Variants in NCKAP5 observed in about 807,000 individuals in gnomAD.
NCKAP5 encodes nck-associated protein 5.
A neutral mutation model predicts 167.0 loss-of-function variants in NCKAP5; 92 were observed. That is an observed-to-expected ratio of 0.55 (90% CI 0.47 to 0.66). The LOEUF (loss-of-function observed/expected upper bound fraction) is 0.66, where lower values mean the gene tolerates loss of function less well. Among genes scored for constraint, NCKAP5 ranks in the 30% least tolerant of loss-of-function variants. The pLI is 0.00. For synonymous variants in NCKAP5, 891 were observed against 877.4 expected, an observed-to-expected ratio of 1.02 and a Z score of -0.27; for missense variants, 2,378 against 2,315.0, an observed-to-expected ratio of 1.03 and a Z score of -0.56.
At chr2:133,619,935 T>C in the NCKAP5 span, among the ~76,000 whole-genome samples, 1 of 152,212 alleles carries the variant, frequency 6.6e-6, no homozygotes, top group African/African-American at 2.4e-5. Context: ...CTACAAGGGA[T>C]TGGGGTCCTA....
At chr2:132,854,313 T>C (rs1337633156) in intron 11 of NCKAP5, among the ~76,000 whole-genome samples, 1 of 152,166 alleles carries the variant, frequency 6.6e-6, no homozygotes, top group Non-Finnish European at 1.5e-5. Context: ...CTCAATTGCT[T>C]TGGGAATGAA....
chr2:132,684,259 T>G (rs753069103), intron 19 of NCKAP5, among the ~76,000 whole-genome samples: 1 of 152,244 alleles, frequency 6.6e-6, no homozygotes, highest in Non-Finnish European at 1.5e-5. Context: ...CTATGAGAAT[T>G]AAATATGGAT....
intron 4 of NCKAP5, among the ~76,000 whole-genome samples, chr2:133,246,576 A>G (rs1034581258): frequency 2.0e-5 from 3 of 152,224 alleles, no homozygotes; most frequent in African/African-American, 4.8e-5. Flanking sequence ...AGGAATACAT[A>G]CAATGGCTGC....
chr2:133,400,959 C>A (rs534294670), intron 3 of NCKAP5, among the ~76,000 whole-genome samples: 5 of 152,198 alleles, frequency 3.3e-5, no homozygotes, highest in South Asian at 2.1e-4. Flanking sequence ...TCACAATAAA[C>A]CCCTTTCTAA....
chr2:133,388,375 G>A (rs1687150024), intron 3 of NCKAP5, among the ~76,000 whole-genome samples: 1 of 152,210 alleles, frequency 6.6e-6, no homozygotes, highest in South Asian at 2.1e-4. Flanking sequence ...AACAGCAAAT[G>A]TTGCTGTCTG....
intron 1 of NCKAP5, 73 bp from the exon 2 acceptor site, chr2:133,559,190 T>C (rs772994134): frequency 1.3e-5 from 2 of 152,126 alleles, no homozygotes; most frequent in Non-Finnish European, 2.9e-5. Flanking sequence ...ATTAACCTCT[T>C]GGTACCTTGG....
chr2:133,458,845 A>T (rs954740180), intron 3 of NCKAP5, among the ~76,000 whole-genome samples: 1 of 152,164 alleles, frequency 6.6e-6, no homozygotes, highest in Non-Finnish European at 1.5e-5. Flanking sequence ...CAATGTTGTC[A>T]AATTGAGATG....
At chr2:133,488,243 T>A (rs1298004406) in intron 3 of NCKAP5, among the ~76,000 whole-genome samples, 1 of 152,190 alleles carries the variant, frequency 6.6e-6, no homozygotes, top group Admixed American at 6.5e-5. Context: ...TTTGATTTTC[T>A]CAGGTCCCTT....
chr2:133,272,214 G>C (rs1395913140), intron 4 of NCKAP5, among the ~76,000 whole-genome samples: 1 of 150,646 alleles, frequency 6.6e-6, no homozygotes, highest in Non-Finnish European at 1.5e-5. Context: ...AATGTTCAAA[G>C]TACCCAAACA....
At chr2:132,855,478 A>G (rs985883717) in intron 11 of NCKAP5, among the ~76,000 whole-genome samples, 2 of 152,198 alleles carry the variant, frequency 1.3e-5, no homozygotes, top group South Asian at 2.1e-4. Flanking sequence ...AGGCGCCTCC[A>G]TGGCTGGTCC....
Position 133,085,017 on chromosome 2 carries a change from T to G in NCKAP5, c.341+44961A>C, listed in dbSNP as rs558596727. On this transcript the variant is annotated intron_variant, in intron 6 of 19. Coordinates refer to ENST00000409261, the MANE Select transcript of NCKAP5 (RefSeq NM_207363.3). The stretch of plus-strand genomic sequence containing the variant: ...AGGTAGGTCTCCTGCATATTCTTCT[T>G]CTTTTATAACAATTATTTAAAAATA... 2.4e-4 allele frequency among the ~76,000 whole-genome samples: 36 copies of G among 152,300 alleles called. No individual in the cohort carries two copies. The Middle Eastern group carries it at 0.017, about 72-fold the overall frequency.
At chr2:132,910,648 T>G (rs1411044828) in intron 8 of NCKAP5, among the ~76,000 whole-genome samples, 2 of 152,336 alleles carry the variant, frequency 1.3e-5, no homozygotes, top group Middle Eastern at 3.4e-3. Flanking sequence ...ATGTACCACA[T>G]TTTCTTTATC....
At chr2:132,803,353 C>T (rs1198891149) in intron 11 of NCKAP5, among the ~76,000 whole-genome samples, 1 of 152,188 alleles carries the variant, frequency 6.6e-6, no homozygotes, top group Non-Finnish European at 1.5e-5. Context: ...GTTTAGCTGC[C>T]CTGAGTGCAT....
At chr2:133,085,157 A>G (rs894355636) in intron 6 of NCKAP5, among the ~76,000 whole-genome samples, 2 of 152,194 alleles carry the variant, frequency 1.3e-5, no homozygotes, top group Non-Finnish European at 2.9e-5. Flanking sequence ...GGAAAATAAC[A>G]TAACAGTATT....
chr2:133,270,912 A>ATTTTTT lies in NCKAP5; in HGVS notation c.143+32119_143+32124dup, dbSNP rs1255134862. On this transcript the variant is annotated intron_variant, in intron 4 of 19. Transcript: ENST00000409261. ...GTACTTTTGTTTTTTGTTGCTTCAA[A>ATTTTTT]TTTTTTTTTTTTTTTTTTCTTTTTT... is the stretch of plus-strand genomic sequence containing the variant. Among the ~76,000 whole-genome samples the ATTTTTT allele has an allele frequency of 2.1e-4, 27 of 128,966 alleles. 1 individual carries two copies. Among genetic ancestry groups the ATTTTTT allele is most frequent in the African/African-American group, 4.7e-4 (16 of 34,168 alleles). The allele number at this position is 128,966 out of a possible 152,430, so 84.6% of individuals were successfully genotyped here. A position where few individuals can be genotyped will look rare whatever the true frequency, so the allele number is the denominator to read the frequency against.
chr2:132,683,341 A>C (rs1440000833), intron 19 of NCKAP5, among the ~76,000 whole-genome samples: 1 of 152,214 alleles, frequency 6.6e-6, no homozygotes, highest in Non-Finnish European at 1.5e-5. Flanking sequence ...TTAGGTTAGC[A>C]TCAAGAAACC....
intron 3 of NCKAP5, among the ~76,000 whole-genome samples, chr2:133,486,091 C>T (rs755865810): frequency 8.5e-5 from 13 of 152,216 alleles, no homozygotes; most frequent in East Asian, 3.9e-4. Context: ...TATGTAAACA[C>T]GGATAGTGAC....
chr2:133,223,749 G>C (rs2086763091), intron 4 of NCKAP5, among the ~76,000 whole-genome samples: 1 of 152,132 alleles, frequency 6.6e-6, no homozygotes, highest in Non-Finnish European at 1.5e-5. Flanking sequence ...GGTAAGTTTA[G>C]AGCGTGTTCT....
At chr2:132,792,269 T>C (rs1275576401) in intron 12 of NCKAP5, among the ~76,000 whole-genome samples, 1 of 152,222 alleles carries the variant, frequency 6.6e-6, no homozygotes, top group African/African-American at 2.4e-5. Context: ...TGGCTCTACA[T>C]ATTATTGAAA....
Sources: allele counts gnomAD v4.1 joint callset (sites outside exome capture counted in the v4.1 genomes callset), GRCh38; gene constraint gnomAD v4.1.1; transcripts MANE v1.5; gene names NCBI Gene and HGNC (gene_info 2026-07-23, HGNC 2026-07-21).